CDH18: variants seen among roughly 807,000 people sequenced by gnomAD.
CDH18 encodes cadherin 18, also known as cadherin-18.
In CDH18, 31 loss-of-function variants were observed where a neutral mutation model predicts 67.9. The ratio of observed to expected loss-of-function variants is 0.46; its 90% CI spans 0.34 to 0.62. The LOEUF (loss-of-function observed/expected upper bound fraction) is 0.62, where lower values mean the gene tolerates loss of function less well. CDH18 is among the 20% of genes least tolerant of loss of function. The pLI, the probability that CDH18 is intolerant of heterozygous loss-of-function variation, is 0.01. For missense variants in CDH18, 890 were observed against 975.5 expected (o/e 0.91, Z 1.17); for synonymous variants, 362 against 347.2 (o/e 1.04, Z -0.48).
chr5:19,604,566 C>CGGAT (rs1747724466), intron 6 of CDH18, among the ~76,000 whole-genome samples: 1 of 146,540 alleles, frequency 6.8e-6, no homozygotes. Context: ...CACACACACA[C>CGGAT]ACACACACAC....
intron 1 of CDH18, among the ~76,000 whole-genome samples, chr5:20,405,256 A>G (rs1251304027): frequency 6.6e-6 from 1 of 152,222 alleles, no homozygotes; most frequent in Non-Finnish European, 1.5e-5. Flanking sequence ...CCAATGGAAC[A>G]GAACAGAGCC....
intron 1 of CDH18, among the ~76,000 whole-genome samples, chr5:20,298,914 G>T (rs984526095): frequency 3.9e-5 from 6 of 152,140 alleles, no homozygotes; most frequent in African/African-American, 1.4e-4. Flanking sequence ...AGAGAACAAT[G>T]CGCACAAAGA....
intron 5 of CDH18, among the ~76,000 whole-genome samples, chr5:19,712,060 A>C (rs1179413204): frequency 6.6e-6 from 1 of 152,060 alleles, no homozygotes. Flanking sequence ...TGCAAAGATA[A>C]AGTCAAATCC....
At chr5:19,555,690 G>C (rs919067111) in intron 8 of CDH18, among the ~76,000 whole-genome samples, 3 of 152,144 alleles carry the variant, frequency 2.0e-5, no homozygotes, top group African/African-American at 4.8e-5. Flanking sequence ...TACCTACCCT[G>C]GTAGCCCAGG....
At chr5:20,164,522 A>T (rs5021689) in intron 2 of CDH18, among the ~76,000 whole-genome samples, 1 of 30,788 alleles carries the variant, frequency 3.2e-5, no homozygotes, top group Non-Finnish European at 7.9e-5. Flanking sequence ...TGATCCGTCC[A>T]GGTCGGCCTC....
At chr5:19,563,658 A>T (rs2149896871) in intron 8 of CDH18, among the ~76,000 whole-genome samples, 1 of 152,338 alleles carries the variant, frequency 6.6e-6, no homozygotes, top group African/African-American at 2.4e-5. Context: ...ATTGGAGAAG[A>T]AGGTGGAGCA....
chr5:20,082,726 A>G (rs1010953452), intron 2 of CDH18, among the ~76,000 whole-genome samples: 4 of 152,264 alleles, frequency 2.6e-5, no homozygotes, highest in Admixed American at 6.5e-5. Flanking sequence ...CTAAACCAAT[A>G]TATCTGGATT....
chr5:20,038,470 A>G (rs1048599160), intron 2 of CDH18, among the ~76,000 whole-genome samples: 4 of 152,212 alleles, frequency 2.6e-5, no homozygotes, highest in African/African-American at 4.8e-5. Flanking sequence ...ACCCAAATCC[A>G]GCAGCACATC....
intron 5 of CDH18, among the ~76,000 whole-genome samples, chr5:19,629,383 G>T (rs1262266581): frequency 6.6e-6 from 1 of 152,126 alleles, no homozygotes; most frequent in Admixed American, 6.6e-5. Flanking sequence ...CTACAGAAAG[G>T]TCTGGGCTGG....
chr5:20,567,614 A>T (rs1758586658), intron 1 of CDH18, among the ~76,000 whole-genome samples: 1 of 152,186 alleles, frequency 6.6e-6, no homozygotes, highest in Non-Finnish European at 1.5e-5. Flanking sequence ...AAGGGAAGCA[A>T]ATAGAAAAGA....
intron 2 of CDH18, among the ~76,000 whole-genome samples, chr5:20,039,306 G>A (rs922887370): frequency 3.3e-5 from 5 of 152,012 alleles, no homozygotes; most frequent in Non-Finnish European, 7.4e-5. Context: ...TCCCCATCAA[G>A]CTACCATTGA....
chr5:20,492,787 C>T (rs1189448116), intron 1 of CDH18, among the ~76,000 whole-genome samples: 3 of 151,966 alleles, frequency 2.0e-5, no homozygotes, highest in Non-Finnish European at 4.4e-5. Flanking sequence ...TATATTTTTG[C>T]CCCCAGATTT....
chr5:20,504,180 A>G (rs73062630), intron 1 of CDH18, among the ~76,000 whole-genome samples: 3,824 of 152,286 alleles, frequency 0.025, 153 homozygotes, highest in African/African-American at 0.087. Context: ...TTAAGATACT[A>G]GTGAGACGCT....
chr5:19,799,090 C>T (rs1777154024), intron 3 of CDH18, among the ~76,000 whole-genome samples: 1 of 151,874 alleles, frequency 6.6e-6, no homozygotes, highest in African/African-American at 2.4e-5. Context: ...CTGATGTCAC[C>T]ATTAGCAACA....
chr5:20,250,284 T>A (rs554348468), intron 2 of CDH18, among the ~76,000 whole-genome samples: 1,736 of 113,450 alleles, frequency 0.015, 17 homozygotes, highest in Middle Eastern at 0.039. Flanking sequence ...ATTTTATTTT[T>A]TTTTTTATTT....
At chr5:19,776,571 G>C (rs1774407574) in intron 3 of CDH18, among the ~76,000 whole-genome samples, 1 of 152,114 alleles carries the variant, frequency 6.6e-6, no homozygotes, top group African/African-American at 2.4e-5. Context: ...AAATTAAAAT[G>C]GGAGGAAAAA....
chr5:20,017,045 A>G (rs1198022732), intron 2 of CDH18, among the ~76,000 whole-genome samples: 1 of 152,226 alleles, frequency 6.6e-6, no homozygotes, highest in African/African-American at 2.4e-5. Context: ...ATTTAAAAAT[A>G]CATTTTCAAA....
At position 19,711,396 on chromosome 5, in the gene CDH18, TACA is replaced by T. The variant is rs112963492; in HGVS notation, c.643+9948_643+9950del. Among the ~76,000 whole-genome samples, 158 of 150,696 alleles carry T rather than the reference TACA, an allele frequency of 1.0e-3. 2 individuals carry two copies. The highest frequency in any genetic ancestry group is 4.7e-3 in the East Asian group (24 of 5,110). ...CAACGAATGCATACAACTCATAAAC[TACA>T]ACAACAACAACAACAACAACAACAA... On this transcript the variant is annotated intron_variant, in intron 5 of 12. Transcript: ENST00000382275.
intron 1 of CDH18, among the ~76,000 whole-genome samples, chr5:20,469,172 C>T (rs1447340386): frequency 6.6e-6 from 1 of 152,146 alleles, no homozygotes; most frequent in East Asian, 1.9e-4. Flanking sequence ...AGAAGAAAGA[C>T]TTCAAGGGAC....
Sources: allele counts gnomAD v4.1 joint callset (sites outside exome capture counted in the v4.1 genomes callset), GRCh38; gene constraint gnomAD v4.1.1; transcripts MANE v1.5; gene names NCBI Gene and HGNC (gene_info 2026-07-23, HGNC 2026-07-21).